STPG2: variants seen among roughly 807,000 people sequenced by gnomAD.
STPG2 encodes sperm-tail PG-rich repeat-containing protein 2.
In STPG2, 56 loss-of-function variants were observed where a neutral mutation model predicts 54.2. That is an observed-to-expected ratio of 1.03 (90% confidence interval 0.83 to 1.29). STPG2 has a LOEUF of 1.29. Ranked by LOEUF, STPG2 falls within the 50% of genes most tolerant of loss-of-function variation. The probability of loss-of-function intolerance (pLI) is 0.00; values close to 1 mark genes in which losing one functional copy is unlikely to be tolerated. For synonymous variants in STPG2, 200 were observed against 181.8 expected (o/e 1.10, Z -0.81); for missense variants, 596 against 544.9 (o/e 1.09, Z -0.93).
intron 10 of STPG2, among the ~76,000 whole-genome samples, chr4:97,694,600 A>T (rs1723500528): frequency 6.6e-6 from 1 of 151,806 alleles, no homozygotes; most frequent in African/African-American, 2.4e-5. Flanking sequence ...TGAGGTCAGG[A>T]GATCGATATC....
At chr4:97,768,188 G>A (rs1363137273) in intron 9 of STPG2, among the ~76,000 whole-genome samples, 1 of 150,970 alleles carries the variant, frequency 6.6e-6, no homozygotes, top group Non-Finnish European at 1.5e-5. Context: ...AAACATAAGA[G>A]TTAACCTCTT....
chr4:97,474,281 A>G (rs1424827368), intron 4 of STPG2, among the ~76,000 whole-genome samples: 1 of 152,092 alleles, frequency 6.6e-6, no homozygotes, highest in East Asian at 1.9e-4. Context: ...AAAAAAAGAC[A>G]AGAAGACATT....
At chr4:98,056,011 C>A (rs544668834) in intron 5 of STPG2, among the ~76,000 whole-genome samples, 8 of 152,256 alleles carry the variant, frequency 5.3e-5, no homozygotes, top group Admixed American at 4.6e-4. Context: ...TCCCCCAGAG[C>A]CCATGGCAAC....
At chr4:98,033,400 C>A (rs759510852) in intron 5 of STPG2, among the ~76,000 whole-genome samples, 1 of 151,842 alleles carries the variant, frequency 6.6e-6, no homozygotes, top group Non-Finnish European at 1.5e-5. Flanking sequence ...AAGACCAAAC[C>A]AGGAAGAAGT....
At chr4:97,894,894 C>T (rs918991389) in intron 8 of STPG2, among the ~76,000 whole-genome samples, 2 of 151,852 alleles carry the variant, frequency 1.3e-5, no homozygotes, top group Non-Finnish European at 2.9e-5. Context: ...ATTCAAGTGA[C>T]AGTGCAAAGA....
intron 5 of STPG2, among the ~76,000 whole-genome samples, chr4:98,054,425 G>A (rs1737421740): frequency 6.6e-6 from 1 of 152,018 alleles, no homozygotes; most frequent in Non-Finnish European, 1.5e-5. Flanking sequence ...CCTTTGCATT[G>A]GATTATAATT....
chr4:98,059,779 G>A (rs1257132175), intron 5 of STPG2, among the ~76,000 whole-genome samples: 1 of 151,884 alleles, frequency 6.6e-6, no homozygotes, highest in Non-Finnish European at 1.5e-5. Flanking sequence ...CAATAAATAT[G>A]ATTCATCACA....
chr4:97,594,314 C>T (rs1459406810), intron 10 of STPG2, among the ~76,000 whole-genome samples: 1 of 152,158 alleles, frequency 6.6e-6, no homozygotes, highest in East Asian at 1.9e-4. Flanking sequence ...CCAAACTGAT[C>T]TGATAGAGCT....
chr4:98,120,321 C>T (rs1413578473), intron 3 of STPG2, among the ~76,000 whole-genome samples: 1 of 152,094 alleles, frequency 6.6e-6, no homozygotes, highest in African/African-American at 2.4e-5. Flanking sequence ...CCTCATGATC[C>T]ACCTGCCTCG....
At chr4:98,141,220 A>G (rs1385273756) in intron 1 of STPG2, among the ~76,000 whole-genome samples, 1 of 152,206 alleles carries the variant, frequency 6.6e-6, no homozygotes, top group Non-Finnish European at 1.5e-5. Flanking sequence ...AAAAATCAAA[A>G]TGTTTTACCT....
chr4:97,497,001 T>A (rs553990852), intron 4 of STPG2, among the ~76,000 whole-genome samples: 8,514 of 146,152 alleles, frequency 0.058, 405 homozygotes, highest in African/African-American at 0.14. Flanking sequence ...TTTTTTTTTT[T>A]AAAAAAAGCA....
intron 10 of STPG2, among the ~76,000 whole-genome samples, chr4:97,567,427 T>C (rs946879540): frequency 1.3e-5 from 2 of 148,916 alleles, no homozygotes; most frequent in African/African-American, 4.9e-5. Context: ...CAATACTATA[T>C]ATATAATTTT....
chr4:97,741,315 T>C (rs1379096955), intron 9 of STPG2, among the ~76,000 whole-genome samples: 1 of 152,188 alleles, frequency 6.6e-6, no homozygotes, highest in East Asian at 1.9e-4. Context: ...AAGTACTTCA[T>C]GTCTAAAACA....
chr4:97,942,099 CAT>C (rs1369233937), intron 8 of STPG2, among the ~76,000 whole-genome samples: 1 of 150,942 alleles, frequency 6.6e-6, no homozygotes, highest in African/African-American at 2.4e-5. Flanking sequence ...CAAAGTTTAA[CAT>C]ATATATGTAT....
chr4:97,881,348 T>C (rs942120307), intron 8 of STPG2, among the ~76,000 whole-genome samples: 1 of 152,142 alleles, frequency 6.6e-6, no homozygotes, highest in Non-Finnish European at 1.5e-5. Flanking sequence ...AATGTTACTT[T>C]AAAAGTTCCC....
At chr4:97,979,097 G>C (rs185240944) in intron 6 of STPG2, among the ~76,000 whole-genome samples, 8 of 152,302 alleles carry the variant, frequency 5.3e-5, no homozygotes, top group African/African-American at 1.9e-4. Context: ...CTTTTGTCTA[G>C]TGGATTTGAT....
intron 4 of STPG2, among the ~76,000 whole-genome samples, chr4:97,539,592 T>C (rs1439855548): frequency 6.6e-6 from 1 of 152,076 alleles, no homozygotes; most frequent in East Asian, 1.9e-4. Context: ...ACAATAATAA[T>C]GGGAGACGTT....
At chr4:97,472,831 G>A (rs2148815850) in intron 4 of STPG2, among the ~76,000 whole-genome samples, 1 of 152,286 alleles carries the variant, frequency 6.6e-6, no homozygotes, top group East Asian at 1.9e-4. Flanking sequence ...GTTGTTGCGG[G>A]AAGTCAGGGA....
chr4:97,983,089 A>G (rs770747786), intron 5 of STPG2, among the ~76,000 whole-genome samples: 3 of 152,170 alleles, frequency 2.0e-5, no homozygotes, highest in Admixed American at 6.5e-5. Flanking sequence ...ACTTATACAC[A>G]AATTTTCTTC....
Sources: allele counts gnomAD v4.1 joint callset (sites outside exome capture counted in the v4.1 genomes callset), GRCh38; gene constraint gnomAD v4.1.1; transcripts MANE v1.5; gene names NCBI Gene and HGNC (gene_info 2026-07-23, HGNC 2026-07-21).